The following PLXNA4 variants were observed in gnomAD, a reference collection of about 807,000 sequenced individuals.
PLXNA4 encodes the protein plexin-A4.
In PLXNA4, 44 loss-of-function variants were observed where a neutral mutation model predicts 191.8. The ratio of observed to expected loss-of-function variants is 0.23; its 90% CI spans 0.18 to 0.29. The LOEUF (loss-of-function observed/expected upper bound fraction) is 0.29. PLXNA4 is among the 10% of genes least tolerant of loss of function. PLXNA4 has a pLI of 1.00. For missense variants in PLXNA4, 1,800 were observed against 2,488.8 expected, an observed-to-expected ratio of 0.72 and a Z score of 5.89; for synonymous variants, 1,082 against 1,009.5, an observed-to-expected ratio of 1.07 and a Z score of -1.36.
intron 4 of PLXNA4, among the ~76,000 whole-genome samples, chr7:132,274,994 G>T (rs951246077): frequency 6.6e-6 from 1 of 151,892 alleles, no homozygotes; most frequent in Non-Finnish European, 1.5e-5. Flanking sequence ...GATGGTTTCT[G>T]CTAGGTTTCT....
intron 3 of PLXNA4, among the ~76,000 whole-genome samples, chr7:132,360,660 A>T (rs192454158): frequency 1.4e-3 from 210 of 152,312 alleles, no homozygotes; most frequent in African/African-American, 4.9e-3. Context: ...AGAGGCCCCA[A>T]ACCCCCCATA....
chr7:132,533,451 G>T (rs1799705650), intron 1 of PLXNA4, among the ~76,000 whole-genome samples: 1 of 152,172 alleles, frequency 6.6e-6, no homozygotes. Context: ...GGAATCCACA[G>T]AGGCCAGCCT....
intron 19 of PLXNA4, 142 bp from the exon 20 acceptor site, chr7:132,180,063 A>T: frequency 7.2e-7 from 1 of 1,397,732 alleles, no homozygotes; most frequent in Non-Finnish European, 9.4e-7. Context: ...ACAAGAGGGC[A>T]TGGGGGGCTG....
intron 3 of PLXNA4, among the ~76,000 whole-genome samples, chr7:132,387,260 C>G (rs561962158): frequency 9.8e-5 from 15 of 152,358 alleles, no homozygotes; most frequent in African/African-American, 3.4e-4. Flanking sequence ...GAATAAGAAT[C>G]TGCCTTTGCA....
At chr7:132,385,162 A>G in intron 3 of PLXNA4, 2 of 1,613,218 alleles carry the variant, frequency 1.2e-6, no homozygotes, top group Non-Finnish European at 1.7e-6. Flanking sequence ...CACACTAAAT[A>G]AGCCTACACA....
intron 2 of PLXNA4, among the ~76,000 whole-genome samples, chr7:132,645,264 C>T (rs1017589815): frequency 2.0e-5 from 3 of 152,160 alleles, no homozygotes; most frequent in African/African-American, 4.8e-5. Flanking sequence ...CCTCACATAT[C>T]GAGGGAGGAG....
In PLXNA4 at chr7:132,290,356, G is replaced by A. The variant is rs566947709; in HGVS notation, c.1503+7735C>T. Among the ~76,000 whole-genome samples the A allele has an allele frequency of 9.8e-5, 15 of 152,310 alleles. 1 individual carries two copies. The South Asian group carries it at 2.7e-3, about 27-fold the overall frequency. ...TCTGGGTCTATCAAAGAAGATACTC[G>A]CCTTGTCTGGGGGACAGCTGCTTCT... On this transcript the variant is annotated intron_variant, in intron 4 of 31. Transcript: ENST00000321063.
chr7:132,339,543 C>A (rs1802944863), intron 3 of PLXNA4, among the ~76,000 whole-genome samples: 1 of 152,172 alleles, frequency 6.6e-6, no homozygotes, highest in African/African-American at 2.4e-5. Flanking sequence ...TGTGTACCTA[C>A]CATATGCAAG....
rs1563066648 is a variant in PLXNA4, at chr7:132,379,665, C to T, written c.1372-81443G>A. Among the ~76,000 whole-genome samples, 26 of 152,316 alleles carry T rather than the reference C, an allele frequency of 1.7e-4. 1 individual carries two copies. The South Asian group carries it at 5.2e-3, about 30-fold the overall frequency. ...AGCATAGTGGCAAGAGCATCATCAA[C>T]ATCAGTCAAATGTTGAAGGAAAGAG... On this transcript the variant is annotated intron_variant, in intron 3 of 31. Transcript: ENST00000321063.
intron 3 of PLXNA4, among the ~76,000 whole-genome samples, chr7:132,306,188 CAG>C (rs1801515725): frequency 6.6e-6 from 1 of 152,254 alleles, no homozygotes; most frequent in Admixed American, 6.5e-5. Context: ...ATGCCAGAGC[CAG>C]AGTTAGGCCT....
chr7:132,194,284 G>A, intron 13 of PLXNA4, 105 bp from the exon 14 acceptor site: 3 of 1,461,796 alleles, frequency 2.1e-6, no homozygotes, highest in Non-Finnish European at 2.7e-6. Context: ...AGGATCTCAG[G>A]GATGGCCAGG....
At chr7:132,407,073 G>A (rs1243623446) in intron 3 of PLXNA4, among the ~76,000 whole-genome samples, 1 of 152,176 alleles carries the variant, frequency 6.6e-6, no homozygotes, top group African/African-American at 2.4e-5. Flanking sequence ...TCTAGTAATA[G>A]CTACACTGAT....
At position 132,187,620 on chromosome 7, in the gene PLXNA4, G is replaced by T; in HGVS notation, c.2857-13C>A. 6.2e-7 allele frequency: 1 copy of T among 1,605,428 alleles called. No homozygotes were observed. Among genetic ancestry groups the T allele is most frequent in the East Asian group, 2.3e-5 (1 of 44,366 alleles). ...AGAGAGTCAGTGTCTGTGTAGAAAG[G>T]ATGTGGCCTGAGACACAACCAGGAA... On this transcript the variant is annotated splice_polypyrimidine_tract_variant and intron_variant, in intron 14 of 31. Coordinates refer to ENST00000321063, the MANE Select transcript of PLXNA4 (RefSeq NM_020911.2).
At chr7:132,409,712 C>T (rs1257387981) in intron 3 of PLXNA4, among the ~76,000 whole-genome samples, 1 of 152,222 alleles carries the variant, frequency 6.6e-6, no homozygotes, top group Non-Finnish European at 1.5e-5. Flanking sequence ...GAAAATACGA[C>T]TTGTTTCTAG....
Position 132,127,534 on chromosome 7 carries a change from A to C in PLXNA4, c.*2945T>G, listed in dbSNP as rs1794803118. 2 of 152,202 alleles carry C rather than the reference A, an allele frequency of 1.3e-5. No homozygotes were observed. The highest frequency in any genetic ancestry group is 2.9e-5 in the Non-Finnish European group (2 of 68,036). 9.4% of individuals were successfully genotyped at this position (152,202 alleles called of 1,614,324 possible). ...GACAATGTTGCTTGTCTTTGCTTTT[A>C]AATACCATATCACACGTGCACCAAG... On this transcript the variant is annotated 3_prime_UTR_variant, in exon 32 of 32. Transcript: ENST00000321063.
chr7:132,455,747 C>T (rs779579467), intron 3 of PLXNA4, among the ~76,000 whole-genome samples: 3 of 151,724 alleles, frequency 2.0e-5, no homozygotes, highest in Non-Finnish European at 4.4e-5. Context: ...TGTGGCCTAG[C>T]GGAGGGGTGG....
At chr7:132,478,480 G>A (rs1382964976) in intron 3 of PLXNA4, among the ~76,000 whole-genome samples, 1 of 152,144 alleles carries the variant, frequency 6.6e-6, no homozygotes, top group Non-Finnish European at 1.5e-5. Flanking sequence ...AGAACAAAAG[G>A]GACAGAGCTG....
intron 19 of PLXNA4, 138 bp from the exon 20 acceptor site, chr7:132,180,059 G>A (rs976782632): frequency 4.3e-6 from 6 of 1,401,542 alleles, no homozygotes; most frequent in Non-Finnish European, 5.6e-6. Context: ...ATAGACAAGA[G>A]GGCATGGGGG....
At chr7:132,274,711 A>G (rs1448939252) in intron 4 of PLXNA4, among the ~76,000 whole-genome samples, 1 of 146,402 alleles carries the variant, frequency 6.8e-6, no homozygotes, top group Non-Finnish European at 1.5e-5. Flanking sequence ...AGAATGAGTT[A>G]TATATTTTTG....
Sources: allele counts gnomAD v4.1 joint callset (sites outside exome capture counted in the v4.1 genomes callset), GRCh38; gene constraint gnomAD v4.1.1; transcripts MANE v1.5; gene names NCBI Gene and HGNC (gene_info 2026-07-23, HGNC 2026-07-21).